FHIT: variants seen among roughly 807,000 people sequenced by gnomAD.
FHIT encodes the protein bis(5'-adenosyl)-triphosphatase.
FHIT carries 19 observed loss-of-function variants against 17.9 expected under a neutral mutation model. That is an observed-to-expected ratio of 1.06 (90% CI 0.74 to 1.56). FHIT has a LOEUF of 1.56. FHIT is among the 40% of genes most tolerant of loss of function. FHIT has a pLI of 0.00. For synonymous variants in FHIT, 81 were observed against 69.7 expected (o/e 1.16, Z -0.81); for missense variants, 248 against 189.2 (o/e 1.31, Z -1.82).
chr3:60,646,930 C>G lies in FHIT; in HGVS notation c.-17-109951G>C, dbSNP rs2039873422. On this transcript the variant is annotated intron_variant, in intron 4 of 9. Transcript: ENST00000492590. Reference sequence around the variant, plus strand: ...GAGCATATAGAGCGAAACTGCAATGCTATCATTCAGCAATCACAGTGCTCT... The same window carrying G: ...GAGCATATAGAGCGAAACTGCAATGGTATCATTCAGCAATCACAGTGCTCT... 3.3e-5 allele frequency among the ~76,000 whole-genome samples: 5 copies of G among 152,202 alleles called. No homozygotes were observed. In the South Asian group the frequency reaches 1.0e-3, roughly 31 times the overall value.
chr3:60,332,533 G>T (rs1044365979), intron 5 of FHIT, among the ~76,000 whole-genome samples: 2 of 152,180 alleles, frequency 1.3e-5, no homozygotes, highest in Non-Finnish European at 2.9e-5. Context: ...TCCCCAGAGG[G>T]CTGTGGGATC....
At chr3:60,870,548 C>T (rs943839889) in intron 3 of FHIT, among the ~76,000 whole-genome samples, 3 of 152,146 alleles carry the variant, frequency 2.0e-5, no homozygotes, top group Non-Finnish European at 2.9e-5. Context: ...CTATCCTTAT[C>T]ATGAGAACTG....
chr3:60,030,895 G>T (rs886147783), intron 5 of FHIT, among the ~76,000 whole-genome samples: 1 of 152,058 alleles, frequency 6.6e-6, no homozygotes, highest in Admixed American at 6.5e-5. Flanking sequence ...GTAGAGAGTA[G>T]AAAAAATAAC....
At chr3:60,063,254 C>T (rs1057181878) in intron 5 of FHIT, among the ~76,000 whole-genome samples, 1 of 152,132 alleles carries the variant, frequency 6.6e-6, no homozygotes, top group African/African-American at 2.4e-5. Context: ...GACATCTGGT[C>T]TACAAGATCA....
chr3:61,192,786 AG>A (rs1454202287), intron 2 of FHIT, among the ~76,000 whole-genome samples: 1 of 150,780 alleles, frequency 6.6e-6, no homozygotes, highest in Non-Finnish European at 1.5e-5. Context: ...ACAAAAAAAA[AG>A]ACAACTGAGA....
chr3:60,601,269 G>A (rs2038437648), intron 4 of FHIT, among the ~76,000 whole-genome samples: 1 of 152,134 alleles, frequency 6.6e-6, no homozygotes, highest in Non-Finnish European at 1.5e-5. Context: ...CTACCGCAGT[G>A]GCTTCCTAAT....
At chr3:60,260,352 T>TA (rs761494437) in intron 5 of FHIT, among the ~76,000 whole-genome samples, 1,758 of 138,296 alleles carry the variant, frequency 0.013, 18 homozygotes, top group Non-Finnish European at 0.019. Context: ...TGACTAAATT[T>TA]AAAAAAAAAA....
intron 2 of FHIT, among the ~76,000 whole-genome samples, chr3:61,170,689 G>A (rs1293965080): frequency 6.6e-6 from 1 of 152,162 alleles, no homozygotes; most frequent in Non-Finnish European, 1.5e-5. Flanking sequence ...CCGTGTTCCT[G>A]CAAAGGACAT....
At chr3:60,644,918 G>T (rs2039817943) in intron 4 of FHIT, among the ~76,000 whole-genome samples, 1 of 152,154 alleles carries the variant, frequency 6.6e-6, no homozygotes, top group Admixed American at 6.5e-5. Flanking sequence ...CCTTGTGCTA[G>T]TTCTGTTATA....
chr3:60,417,839 T>C (rs1370105699), intron 5 of FHIT, among the ~76,000 whole-genome samples: 1 of 152,182 alleles, frequency 6.6e-6, no homozygotes, highest in South Asian at 2.1e-4. Context: ...CAGGCTGTAA[T>C]GGATCCCAGA....
chr3:60,607,069 T>C (rs1553671501), intron 4 of FHIT, among the ~76,000 whole-genome samples: 1 of 152,076 alleles, frequency 6.6e-6, no homozygotes, highest in East Asian at 1.9e-4. Flanking sequence ...TAAAGCCGGG[T>C]TCTCTATTAC....
chr3:60,430,372 T>C (rs991521547), intron 5 of FHIT, among the ~76,000 whole-genome samples: 1 of 152,010 alleles, frequency 6.6e-6, no homozygotes, highest in African/African-American at 2.4e-5. Context: ...AGAAGTATAA[T>C]ACAGAAACCC....
At chr3:61,032,345 T>A (rs1044180283) in intron 3 of FHIT, among the ~76,000 whole-genome samples, 1 of 152,176 alleles carries the variant, frequency 6.6e-6, no homozygotes, top group Non-Finnish European at 1.5e-5. Flanking sequence ...ATTCAGAGAC[T>A]GTTTTAGAGT....
In FHIT at chr3:59,987,749, T is replaced by C. The variant is rs1372247372; in HGVS notation, c.279+23622A>G. Among the ~76,000 whole-genome samples, 5 of 152,016 alleles carry C rather than the reference T, an allele frequency of 3.3e-5. No individual in the cohort carries two copies. In the East Asian group the frequency reaches 9.7e-4, roughly 29 times the overall value. On this transcript the variant is annotated intron_variant, in intron 7 of 9. Transcript: ENST00000492590. ...ATTTGAAAGAAGAGTTTGGGGCTAT[T>C]AGGAGAAATTCACATTAGGCATTTC...
chr3:59,920,742 A>G (rs1260527501), intron 8 of FHIT, among the ~76,000 whole-genome samples: 3 of 152,206 alleles, frequency 2.0e-5, no homozygotes, highest in Admixed American at 6.5e-5. Context: ...TGAGATTGGT[A>G]TTTGTATTTT....
chr3:61,005,809 T>C (rs2031408492), intron 3 of FHIT, among the ~76,000 whole-genome samples: 2 of 152,102 alleles, frequency 1.3e-5, no homozygotes, highest in Admixed American at 1.3e-4. Flanking sequence ...CAGCGAACAC[T>C]AGGTCAAGAT....
At chr3:60,375,367 G>A (rs1261444859) in intron 5 of FHIT, among the ~76,000 whole-genome samples, 6 of 150,058 alleles carry the variant, frequency 4.0e-5, no homozygotes, top group Admixed American at 2.0e-4. Flanking sequence ...TCAGGAGTTC[G>A]AGACTACCCT....
intron 1 of FHIT, among the ~76,000 whole-genome samples, chr3:61,249,064 C>T (rs1465683618): frequency 6.6e-6 from 1 of 152,128 alleles, no homozygotes; most frequent in Non-Finnish European, 1.5e-5. Flanking sequence ...TACAACCTTA[C>T]CAATAATAAA....
chr3:60,680,286 C>A (rs905787696), intron 4 of FHIT, among the ~76,000 whole-genome samples: 9 of 152,162 alleles, frequency 5.9e-5, no homozygotes, highest in Admixed American at 3.9e-4. Flanking sequence ...TTTTAGAAGG[C>A]ATTTCCTGAT....
Sources: gnomAD v4.1 joint callset for allele counts (sites outside exome capture counted in the v4.1 genomes callset) on GRCh38, gnomAD v4.1.1 for gene constraint, MANE v1.5 for transcripts, NCBI Gene and HGNC (gene_info 2026-07-23, HGNC 2026-07-21) for gene names.